Variants in CDH12 observed in about 807,000 individuals in gnomAD.
CDH12 encodes the protein cadherin-12.
In CDH12, 41 loss-of-function variants were observed where a neutral mutation model predicts 74.1. The observed-to-expected ratio is 0.55, with a 90% CI of 0.43 to 0.72. CDH12 has a LOEUF of 0.72. Ranked by LOEUF, CDH12 falls within the 30% of genes least tolerant of loss-of-function variation. The probability of loss-of-function intolerance (pLI) is 0.00; values close to 1 mark genes in which losing one functional copy is unlikely to be tolerated. For missense variants in CDH12, 945 were observed against 977.2 expected (o/e 0.97, Z 0.44); for synonymous variants, 399 against 355.0 (o/e 1.12, Z -1.39).
intron 1 of CDH12, among the ~76,000 whole-genome samples, chr5:22,660,345 A>G (rs554357633): frequency 6.6e-6 from 1 of 152,364 alleles, no homozygotes; most frequent in South Asian, 2.1e-4. Context: ...TGCATGCTAT[A>G]TAACAGGACA....
chr5:22,366,148 G>A (rs1456642710), intron 3 of CDH12, among the ~76,000 whole-genome samples: 1 of 151,942 alleles, frequency 6.6e-6, no homozygotes, highest in African/African-American at 2.4e-5. Context: ...TAGTAGAGAT[G>A]GGTTTTCACT....
chr5:22,617,047 AT>A (rs897415355), intron 1 of CDH12, among the ~76,000 whole-genome samples: 4 of 151,304 alleles, frequency 2.6e-5, no homozygotes, highest in Admixed American at 2.0e-4. Context: ...TGTGTTTTTA[AT>A]TTTTTTTGTA....
chr5:22,345,920 G>A (rs757420817), intron 3 of CDH12, among the ~76,000 whole-genome samples: 8 of 151,876 alleles, frequency 5.3e-5, no homozygotes, highest in Non-Finnish European at 1.0e-4. Context: ...CCTGGCAAAC[G>A]TAGTGAAATC....
chr5:22,332,612 T>G (rs955169350), intron 3 of CDH12, among the ~76,000 whole-genome samples: 4 of 152,062 alleles, frequency 2.6e-5, no homozygotes, highest in Admixed American at 2.6e-4. Context: ...CTTAAACATA[T>G]TTAAAAGAAT....
At chr5:22,041,568 A>G (rs906185947) in intron 5 of CDH12, among the ~76,000 whole-genome samples, 1 of 152,140 alleles carries the variant, frequency 6.6e-6, no homozygotes, top group African/African-American at 2.4e-5. Flanking sequence ...CAATCACAAG[A>G]GACAAAGAAG....
At chr5:22,412,510 GTTAT>G (rs916513411) in intron 2 of CDH12, among the ~76,000 whole-genome samples, 4 of 151,724 alleles carry the variant, frequency 2.6e-5, no homozygotes, top group African/African-American at 7.3e-5. Context: ...TATCAAAACA[GTTAT>G]TTGTGATTTT....
At chr5:22,307,551 T>G (rs1738166698) in intron 3 of CDH12, among the ~76,000 whole-genome samples, 1 of 152,142 alleles carries the variant, frequency 6.6e-6, no homozygotes, top group African/African-American at 2.4e-5. Flanking sequence ...GTTGAATAAA[T>G]ATTTGTTAGA....
chr5:22,595,894 G>A (rs563857617), intron 1 of CDH12, among the ~76,000 whole-genome samples: 93 of 151,554 alleles, frequency 6.1e-4, no homozygotes, highest in African/African-American at 2.1e-3. Context: ...TGGCTAACAC[G>A]GTGAAACCCC....
intron 1 of CDH12, among the ~76,000 whole-genome samples, chr5:22,540,216 GATAC>G (rs1738040549): frequency 6.6e-6 from 1 of 151,942 alleles, no homozygotes; most frequent in Non-Finnish European, 1.5e-5. Flanking sequence ...CAGTATGTCA[GATAC>G]ATATATATAT....
At chr5:22,301,644 T>G (rs1737886024) in intron 3 of CDH12, among the ~76,000 whole-genome samples, 1 of 152,060 alleles carries the variant, frequency 6.6e-6, no homozygotes, top group Non-Finnish European at 1.5e-5. Context: ...TTTTAATTTT[T>G]TTTTCAAGAC....
At chr5:22,015,084 AC>A (rs1427602939) in intron 5 of CDH12, among the ~76,000 whole-genome samples, 1 of 152,198 alleles carries the variant, frequency 6.6e-6, no homozygotes, top group Non-Finnish European at 1.5e-5. Flanking sequence ...AGGAGATGAA[AC>A]AGGGACAAAC....
intron 3 of CDH12, among the ~76,000 whole-genome samples, chr5:22,319,038 T>A (rs940477584): frequency 7.2e-5 from 11 of 152,314 alleles, no homozygotes; most frequent in African/African-American, 2.6e-4. Context: ...ACCTTAGTTT[T>A]CAAGGGCAAG....
Position 22,354,792 on chromosome 5 carries a change from C to T in CDH12, c.-333+50465G>A, listed in dbSNP as rs779097960. ...AGGTATTTCAAACTCTTTTATATCC[C>T]CATTATACTTGAAAATCCCAAGTAA... On this transcript the variant is annotated intron_variant, in intron 3 of 14. Coordinates refer to ENST00000382254, the MANE Select transcript of CDH12 (RefSeq NM_004061.5). Among the ~76,000 whole-genome samples the T allele has an allele frequency of 3.4e-4, 51 of 152,088 alleles. 1 individual carries two copies. Among genetic ancestry groups the T allele is most frequent in the Non-Finnish European group, 8.8e-5 (6 of 68,016 alleles).
chr5:22,838,657 G>A (rs1292619575), intron 1 of CDH12, among the ~76,000 whole-genome samples: 1 of 130,388 alleles, frequency 7.7e-6, no homozygotes, highest in Admixed American at 7.7e-5. Flanking sequence ...GTGTCTGTGT[G>A]TGTGTGTGTG....
intron 8 of CDH12, among the ~76,000 whole-genome samples, chr5:21,820,471 G>T (rs1748306193): frequency 6.6e-6 from 1 of 151,970 alleles, no homozygotes; most frequent in Admixed American, 6.6e-5. Flanking sequence ...ATTACTTTTT[G>T]TGTGTGTTAA....
chr5:22,296,052 T>C (rs1459774720), intron 3 of CDH12, among the ~76,000 whole-genome samples: 4 of 152,052 alleles, frequency 2.6e-5, no homozygotes, highest in African/African-American at 4.8e-5. Context: ...TGTGAGATCA[T>C]TTAATGGACA....
chr5:22,721,359 C>T (rs1743873768), intron 1 of CDH12, among the ~76,000 whole-genome samples: 2 of 152,248 alleles, frequency 1.3e-5, no homozygotes, highest in African/African-American at 4.8e-5. Context: ...GACTGTCCTG[C>T]TCTATTTCGG....
rs116034803 is a variant in CDH12 at position 22,067,119 on chromosome 5, G to A, written c.231+11327C>T. 8.6e-3 allele frequency among the ~76,000 whole-genome samples: 1,309 copies of A among 152,224 alleles called. 16 individuals are homozygous for A. Among genetic ancestry groups the A allele is most frequent in the African/African-American group, 0.03 (1,245 of 41,536 alleles). ...GTCCTATGCCATAATTCATTTCACAGGGATCTTGATTACCTTTTCTTTTAC... is the reference window on the plus strand; with the variant it reads ...GTCCTATGCCATAATTCATTTCACAAGGATCTTGATTACCTTTTCTTTTAC... On this transcript the variant is annotated intron_variant, in intron 5 of 14. Coordinates refer to ENST00000382254, the MANE Select transcript of CDH12 (RefSeq NM_004061.5).
intron 5 of CDH12, among the ~76,000 whole-genome samples, chr5:21,997,887 C>T (rs1254436270): frequency 1.3e-5 from 2 of 152,106 alleles, no homozygotes; most frequent in Non-Finnish European, 2.9e-5. Flanking sequence ...TTTTATTCCT[C>T]ACAATATTGT....
Sources: allele counts gnomAD v4.1 joint callset (sites outside exome capture counted in the v4.1 genomes callset), GRCh38; gene constraint gnomAD v4.1.1; transcripts MANE v1.5; gene names NCBI Gene and HGNC (gene_info 2026-07-23, HGNC 2026-07-21).